CNTN4: variants seen among roughly 807,000 people sequenced by gnomAD.
CNTN4 encodes contactin 4.
CNTN4 carries 77 observed loss-of-function variants against 122.5 expected under a neutral mutation model. The observed-to-expected ratio is 0.63, with a 90% CI of 0.52 to 0.76. The LOEUF (loss-of-function observed/expected upper bound fraction) is 0.76, where lower values mean the gene tolerates loss of function less well. Ranked by LOEUF, CNTN4 falls within the 30% of genes least tolerant of loss-of-function variation. The pLI is 0.00. For missense variants in CNTN4, 1,256 were observed against 1,259.1 expected, an observed-to-expected ratio of 1.00 and a Z score of 0.04; for synonymous variants, 512 against 447.0, an observed-to-expected ratio of 1.15 and a Z score of -1.83.
chr3:2,952,997 GA>G (rs1415410351), intron 13 of CNTN4, among the ~76,000 whole-genome samples: 5 of 152,192 alleles, frequency 3.3e-5, no homozygotes, highest in Non-Finnish European at 7.4e-5. Context: ...GCACTTGAAG[GA>G]ACTAAAGCTC....
At chr3:2,622,947 T>C (rs1198851857) in intron 4 of CNTN4, among the ~76,000 whole-genome samples, 10 of 152,166 alleles carry the variant, frequency 6.6e-5, no homozygotes, top group Non-Finnish European at 1.0e-4. Context: ...CTACTTTTCT[T>C]TTTCACCAAA....
intron 10 of CNTN4, among the ~76,000 whole-genome samples, chr3:2,893,304 G>T (rs568060875): frequency 8.5e-5 from 13 of 152,132 alleles, no homozygotes; most frequent in Non-Finnish European, 1.8e-4. Flanking sequence ...TCTTACAGCA[G>T]AGCATACTAA....
At chr3:2,207,078 G>C (rs1163036651) in intron 2 of CNTN4, among the ~76,000 whole-genome samples, 2 of 151,904 alleles carry the variant, frequency 1.3e-5, no homozygotes, top group Non-Finnish European at 2.9e-5. Context: ...TGTTACTATT[G>C]TAAATTTGGG....
chr3:2,276,155 G>A (rs973864733), intron 2 of CNTN4, among the ~76,000 whole-genome samples: 1 of 151,138 alleles, frequency 6.6e-6, no homozygotes, highest in Non-Finnish European at 1.5e-5. Flanking sequence ...ATATCTTTTT[G>A]CTTAATTAAT....
At chr3:2,955,030 G>C (rs2094784476) in intron 13 of CNTN4, among the ~76,000 whole-genome samples, 1 of 152,086 alleles carries the variant, frequency 6.6e-6, no homozygotes, top group Non-Finnish European at 1.5e-5. Context: ...TAGCAGCCAG[G>C]TTATCTGGCA....
intron 10 of CNTN4, among the ~76,000 whole-genome samples, chr3:2,893,005 A>C (rs1577180460): frequency 6.6e-6 from 1 of 152,328 alleles, no homozygotes; most frequent in Middle Eastern, 3.4e-3. Flanking sequence ...AAGGTGAAAA[A>C]AATCCATCAA....
intron 8 of CNTN4, among the ~76,000 whole-genome samples, chr3:2,870,815 T>C (rs2093775628): frequency 1.3e-5 from 2 of 152,336 alleles, no homozygotes; most frequent in South Asian, 2.1e-4. Flanking sequence ...AGCTTGTTTC[T>C]TGGGCATTTC....
chr3:3,042,890 TAAG>T (rs1451836451), intron 21 of CNTN4, 84 bp from the exon 22 acceptor site: 1 of 1,082,490 alleles, frequency 9.2e-7, no homozygotes, highest in Non-Finnish European at 1.4e-6. Flanking sequence ...AACTCCATCA[TAAG>T]AATCTGCGTA....
chr3:2,552,223 A>T (rs1273671710), intron 3 of CNTN4, among the ~76,000 whole-genome samples: 1 of 152,178 alleles, frequency 6.6e-6, no homozygotes, highest in Non-Finnish European at 1.5e-5. Context: ...AAACATAACA[A>T]AACAAAAAAC....
chr3:2,799,386 C>G (rs2092289759), intron 6 of CNTN4, among the ~76,000 whole-genome samples: 1 of 152,132 alleles, frequency 6.6e-6, no homozygotes, highest in Non-Finnish European at 1.5e-5. Context: ...CTTTTGAAAT[C>G]TTACTCATGG....
intron 14 of CNTN4, among the ~76,000 whole-genome samples, chr3:2,994,750 ATAAAG>A (rs1375326904): frequency 6.6e-6 from 1 of 152,180 alleles, no homozygotes; most frequent in Non-Finnish European, 1.5e-5. Flanking sequence ...AATAGACGCA[ATAAAG>A]TAGAGTCTTT....
At chr3:2,563,079 T>C (rs973516053) in intron 3 of CNTN4, among the ~76,000 whole-genome samples, 1 of 152,152 alleles carries the variant, frequency 6.6e-6, no homozygotes, top group Admixed American at 6.5e-5. Flanking sequence ...CTGGGTCAAA[T>C]GGTAGTTCTG....
chr3:3,029,217 G>A (rs1698971565), intron 15 of CNTN4, among the ~76,000 whole-genome samples: 1 of 152,186 alleles, frequency 6.6e-6, no homozygotes, highest in Non-Finnish European at 1.5e-5. Flanking sequence ...AGCTTTTCCT[G>A]AATTAGATTT....
intron 15 of CNTN4, 92 bp downstream of exon 15, chr3:3,026,369 GTAA>G (rs1201704327): frequency 8.1e-6 from 9 of 1,117,110 alleles, no homozygotes. Flanking sequence ...TTTTGTTCAA[GTAA>G]TCTTATGGCA....
chr3:2,903,360 G>A (rs2094195699), intron 12 of CNTN4, among the ~76,000 whole-genome samples: 1 of 152,172 alleles, frequency 6.6e-6, no homozygotes, highest in African/African-American at 2.4e-5. Context: ...GACTTGGTTT[G>A]GAAAGGCTTA....
At position 2,840,476 on chromosome 3, in the gene CNTN4, G is replaced by A. The variant is rs576219747; in HGVS notation, c.454+20895G>A. ...AGCACTTTGGGAGGCCGAGGCGGGC[G>A]GATCACGAGGTCAGGAGATCGAGAC... On this transcript the variant is annotated intron_variant, in intron 7 of 24. Transcript: ENST00000418658. 7.6e-3 allele frequency among the ~76,000 whole-genome samples: 1,118 copies of A among 146,218 alleles called. 15 individuals carry two copies. The highest frequency in any genetic ancestry group is 0.034 in the Middle Eastern group (10 of 294).
intron 5 of CNTN4, among the ~76,000 whole-genome samples, chr3:2,737,410 A>G (rs6790854): frequency 0.15 from 23,118 of 152,220 alleles, 2,176 homozygotes; most frequent in East Asian, 0.31. Context: ...GGCATCATAG[A>G]TATCCTGAAA....
intron 4 of CNTN4, among the ~76,000 whole-genome samples, chr3:2,617,817 G>A (rs12639587): frequency 0.41 from 61,915 of 151,796 alleles, 14,017 homozygotes; most frequent in Middle Eastern, 0.53. Flanking sequence ...ATTTCTTCTC[G>A]GTTATAATCT....
intron 3 of CNTN4, among the ~76,000 whole-genome samples, chr3:2,472,566 A>G (rs1036960335): frequency 6.6e-6 from 1 of 152,150 alleles, no homozygotes; most frequent in Non-Finnish European, 1.5e-5. Context: ...TTACATGGTA[A>G]GCAAGATTAT....
Sources: allele counts gnomAD v4.1 joint callset (sites outside exome capture counted in the v4.1 genomes callset), GRCh38; gene constraint gnomAD v4.1.1; transcripts MANE v1.5; gene names NCBI Gene and HGNC (gene_info 2026-07-23, HGNC 2026-07-21).